Variants in SLC5A6 observed in about 807,000 individuals in gnomAD.
SLC5A6 encodes solute carrier family 5 member 6.
A neutral mutation model predicts 67.9 loss-of-function variants in SLC5A6; 31 were observed. That is an observed-to-expected ratio of 0.46 (90% CI 0.34 to 0.62). The LOEUF (loss-of-function observed/expected upper bound fraction) is 0.62. Ranked by LOEUF, SLC5A6 falls within the 20% of genes least tolerant of loss-of-function variation. The pLI, the probability that SLC5A6 is intolerant of heterozygous loss-of-function variation, is 0.01. For synonymous variants in SLC5A6, 343 were observed against 331.0 expected (o/e 1.04, Z -0.39); for missense variants, 673 against 812.8 (o/e 0.83, Z 2.09).
At chr2:27,209,089 C>T (rs1016847795) in intron 2 of SLC5A6, among the ~76,000 whole-genome samples, 2 of 152,180 alleles carry the variant, frequency 1.3e-5, no homozygotes, top group Admixed American at 1.3e-4. Context: ...ACCAACCCCC[C>T]ACCACTGACG....
intron 12 of SLC5A6, 114 bp from the exon 13 acceptor site, chr2:27,202,188 T>C (rs1180062860): frequency 1.3e-6 from 1 of 776,758 alleles, no homozygotes; most frequent in Non-Finnish European, 2.3e-6. Flanking sequence ...GTCAGATCTG[T>C]CTCTTCTGTG....
chr2:27,212,518 T>C, upstream of SLC5A6: 1 of 1,511,106 alleles, frequency 6.6e-7, no homozygotes, highest in Non-Finnish European at 8.8e-7. Flanking sequence ...TGGCCAGCCG[T>C]GCGTCGCGCT....
Position 27,205,921 on chromosome 2 carries a change from TCTC to T in SLC5A6, c.579+102_579+104del, listed in dbSNP as rs1263038824. ...CTTACCACCCCAGAATTTCACCTAT[TCTC>T]CTCATCTATATTCTCAGCTTATCTC... On this transcript the variant is annotated intron_variant, in intron 6 of 16. Transcript: ENST00000310574. 3 of 847,956 alleles carry T rather than the reference TCTC, an allele frequency of 3.5e-6. No homozygotes were observed. In the East Asian group the frequency reaches 7.7e-5, roughly 22 times the overall value. 52.5% of individuals were successfully genotyped at this position (847,956 alleles called of 1,614,324 possible). A position where few individuals can be genotyped will look rare whatever the true frequency, so the allele number is the denominator to read the frequency against.
intron 10 of SLC5A6, 85 bp from the exon 11 acceptor site, chr2:27,203,430 G>A (rs1673804054): frequency 8.3e-7 from 1 of 1,202,930 alleles, no homozygotes; most frequent in South Asian, 1.3e-5. Flanking sequence ...GTGTCCTAAA[G>A]CGGGGAGATG....
At chr2:27,201,516 T>C (rs1673632169) in intron 14 of SLC5A6, 63 bp from the exon 15 acceptor site, 1 of 1,373,872 alleles carries the variant, frequency 7.3e-7, no homozygotes. Flanking sequence ...TGGGCACCAA[T>C]CTCTACTTGC....
At chr2:27,202,713 C>A in intron 12 of SLC5A6, 100 bp downstream of exon 12, 1 of 1,036,096 alleles carries the variant, frequency 9.7e-7, no homozygotes. Context: ...TACGCCTGCC[C>A]CCCGGTCATT....
Position 27,204,663 on chromosome 2 carries a change from A to G in SLC5A6, c.876-73T>C, listed in dbSNP as rs1037577195. ...CCTCAGGTGTGTGCCCCTGACCTCC[A>G]GAAAGGAGACCCACATCCTGACCAC... is the stretch of plus-strand genomic sequence containing the variant. On this transcript the variant is annotated intron_variant, in intron 8 of 16. Transcript: ENST00000310574. The G allele has an allele frequency of 2.7e-5, 43 of 1,601,300 alleles. No homozygotes were observed. In the African/African-American group the frequency reaches 5.5e-4, roughly 20 times the overall value.
rs1448700398 is a variant in SLC5A6, at chr2:27,203,215, G to A, written c.1207+18C>T. On this transcript the variant is annotated intron_variant, in intron 11 of 16. Transcript: ENST00000310574. ...TTAGAAAGACCCAGACTGAAGAGAT[G>A]AGGAAGCATAACCCCACCAAGGCCT... 30 of 1,613,964 alleles carry A rather than the reference G, an allele frequency of 1.9e-5. No homozygotes were observed. The highest frequency in any genetic ancestry group is 2.4e-5 in the Non-Finnish European group (28 of 1,180,006).
At chr2:27,211,913 A>C in intron 1 of SLC5A6, 107 bp downstream of exon 1, 1 of 350,370 alleles carries the variant, frequency 2.9e-6, no homozygotes. Context: ...CCCGGTCTCC[A>C]CACGTGGGTA....
At chr2:27,211,990 C>CCGCCCCCTGCCCGCCCCGCT (rs1674561119) in intron 1 of SLC5A6, 30 bp downstream of exon 1, 1 of 614,530 alleles carries the variant, frequency 1.6e-6, no homozygotes, top group African/African-American at 2.0e-5. Context: ...CGCCCCCTGC[C>CCGCCCCCTGCCCGCCCCGCT]CGCCCCGCTC....
intron 10 of SLC5A6, 71 bp downstream of exon 10, chr2:27,203,708 C>T (rs548694592): frequency 3.7e-4 from 422 of 1,155,518 alleles, no homozygotes; most frequent in Non-Finnish European, 4.9e-4. Context: ...TATCACCCCG[C>T]TCCACCCATC....
At position 27,207,158 on chromosome 2, in the gene SLC5A6, G is replaced by T; in HGVS notation, c.393+100C>A. On this transcript the variant is annotated intron_variant, in intron 3 of 16. Transcript: ENST00000310574. The surrounding 1 kb of genome is among the most constrained non-coding windows in gnomAD (Gnocchi z 5.5). The stretch of plus-strand genomic sequence containing the variant: ...AATGAGTTTTCTGTCCCTCTCATTA[G>T]GTGGAGGAGGTCTAGGGTCCCAGGT... 7.9e-7 allele frequency: 1 copy of T among 1,269,192 alleles called. No homozygotes were observed. Among genetic ancestry groups the T allele is most frequent in the East Asian group, 2.3e-5 (1 of 43,082 alleles). The allele number at this position is 1,269,192 out of a possible 1,614,324, so 78.6% of individuals were successfully genotyped here. A position where few individuals can be genotyped will look rare whatever the true frequency, so the allele number is the denominator to read the frequency against.
At position 27,204,731 on chromosome 2, in the gene SLC5A6, A is replaced by G. The variant is rs546122534; in HGVS notation, c.875+60T>C. 25 of 1,609,072 alleles carry G rather than the reference A, an allele frequency of 1.6e-5. No homozygotes were observed. In the Admixed American group the frequency reaches 2.5e-4, roughly 16 times the overall value. ...TCTGGCATCCTGCCCCACCCCAATT[A>G]TCTCTGGGGAACCCCTTCCCCTAGA... On this transcript the variant is annotated intron_variant, in intron 8 of 16. Transcript: ENST00000310574.
At chr2:27,211,805 G>A (rs971454957) in intron 1 of SLC5A6, 1 of 196,826 alleles carries the variant, frequency 5.1e-6, no homozygotes, top group Non-Finnish European at 1.0e-5. Context: ...CCGGAGGCCG[G>A]CTCGCTCCGC....
rs1673587145 is a variant in SLC5A6, at chr2:27,201,020, A to G, written c.1742T>C (p.Leu581Pro). 1 of 1,612,878 alleles carries G rather than the reference A, an allele frequency of 6.2e-7. No homozygotes were observed. The highest frequency in any genetic ancestry group is 1.1e-5 in the South Asian group (1 of 90,938). The part of the protein sequence containing the change: ...SLLPLSCQKR[L>P]HCRSYGQDHL... ...TACCTGGCCGTAGCTCCTGCAGTGG[A>G]GCCGCTTCTGACAGGACAACGGAAG... Residue 581 changes from leucine (L) to proline (P), a missense_variant, in exon 16 of 17, where the codon CTC (leucine) becomes CCC (proline). Transcript: ENST00000310574.
In SLC5A6 at chr2:27,200,356, A is replaced by T. The variant is rs541122389; in HGVS notation, c.*80T>A. The T allele has an allele frequency of 2.4e-5, 34 of 1,430,016 alleles. No homozygotes were observed. The African/African-American group carries it at 4.4e-4, about 18-fold the overall frequency. 88.6% of individuals were successfully genotyped at this position (1,430,016 alleles called of 1,614,324 possible). A position where few individuals can be genotyped will look rare whatever the true frequency, so the allele number is the denominator to read the frequency against. ...CAGGCCTGTCCCTGCAGAACACACC[A>T]AGACTCATCCCTGTACTACAGGGTG... On this transcript the variant is annotated 3_prime_UTR_variant, in exon 17 of 17. Coordinates refer to ENST00000310574, the MANE Select transcript of SLC5A6 (RefSeq NM_021095.4).
intron 2 of SLC5A6, among the ~76,000 whole-genome samples, chr2:27,209,891 G>A (rs185887865): frequency 1.3e-5 from 2 of 152,268 alleles, no homozygotes; most frequent in East Asian, 3.9e-4. Flanking sequence ...ATTCCCAACA[G>A]GCTTAAACTC....
chr2:27,207,008 C>T lies in SLC5A6; in HGVS notation c.394-66G>A, dbSNP rs1674124807. 7.3e-7 allele frequency: 1 copy of T among 1,369,252 alleles called. No individual in the cohort carries two copies. Among genetic ancestry groups the T allele is most frequent in the Non-Finnish European group, 1.0e-6 (1 of 957,058 alleles). 84.8% of individuals were successfully genotyped at this position (1,369,252 alleles called of 1,614,324 possible). ...CCGACAACTCACAGACAAATTCCCT[C>T]AAGATGCTCAGGAACATGAGGGAAT... On this transcript the variant is annotated intron_variant, in intron 3 of 16. Transcript: ENST00000310574. The surrounding 1 kb of genome is among the most constrained non-coding windows in gnomAD (Gnocchi z 5.5).
intron 2 of SLC5A6, among the ~76,000 whole-genome samples, chr2:27,209,614 G>A (rs1453826007): frequency 6.6e-6 from 1 of 152,224 alleles, no homozygotes; most frequent in Non-Finnish European, 1.5e-5. Context: ...CAGGACAGGA[G>A]CAGAGTGTTG....
Sources: gnomAD v4.1 joint callset for allele counts (sites outside exome capture counted in the v4.1 genomes callset) on GRCh38, gnomAD v4.1.1 for gene constraint, Gnocchi (gnomAD v3.1) non-coding constraint, MANE v1.5 for transcripts, NCBI Gene and HGNC (gene_info 2026-07-23, HGNC 2026-07-21) for gene names.